The following FOXO3 variants were observed in gnomAD, a reference collection of about 807,000 sequenced individuals.
FOXO3 encodes forkhead box protein O3.
A neutral mutation model predicts 41.9 loss-of-function variants in FOXO3; 4 were observed. That is an observed-to-expected ratio of 0.10 (90% CI 0.05 to 0.22). FOXO3 has a LOEUF of 0.22. FOXO3 is among the 10% of genes least tolerant of loss of function. The pLI is 1.00. For synonymous variants in FOXO3, 318 were observed against 389.3 expected, an observed-to-expected ratio of 0.82 and a Z score of 2.16; for missense variants, 534 against 906.8, an observed-to-expected ratio of 0.59 and a Z score of 5.28.
intron 1 of FOXO3, among the ~76,000 whole-genome samples, chr6:108,599,145 CTGT>C (rs1776975018): frequency 6.6e-6 from 1 of 152,146 alleles, no homozygotes; most frequent in Non-Finnish European, 1.5e-5. Context: ...TCCTTTCACT[CTGT>C]TATTATTCCT....
chr6:108,564,035 C>T (rs1266960255), intron 1 of FOXO3, among the ~76,000 whole-genome samples: 1 of 151,872 alleles, frequency 6.6e-6, no homozygotes, highest in African/African-American at 2.4e-5. Flanking sequence ...TTGAAATTCT[C>T]AAGGCTTAAT....
In FOXO3 at chr6:108,666,114, C is replaced by A. The variant is rs2128388244; in HGVS notation, c.*34+1225C>A. Among the ~76,000 whole-genome samples, 2 of 152,196 alleles carry A rather than the reference C, an allele frequency of 1.3e-5. 1 individual carries two copies. The highest frequency in any genetic ancestry group is 4.1e-4 in the South Asian group (2 of 4,820). On this transcript the variant is annotated intron_variant, in intron 2 of 2. Coordinates refer to ENST00000406360, the MANE Select transcript of FOXO3 (RefSeq NM_001455.4). Reference sequence around the variant, plus strand: ...CTACCACTATGGTTGTGTCTTAGGTCTCTGAGTCTCAACTTCCAGTTTTAT... The same window carrying A: ...CTACCACTATGGTTGTGTCTTAGGTATCTGAGTCTCAACTTCCAGTTTTAT...
At chr6:108,610,278 C>T (rs1777322601) in intron 1 of FOXO3, among the ~76,000 whole-genome samples, 1 of 152,118 alleles carries the variant, frequency 6.6e-6, no homozygotes, top group Non-Finnish European at 1.5e-5. Flanking sequence ...AATAAAAGGA[C>T]TGAGTCTAAG....
intron 1 of FOXO3, among the ~76,000 whole-genome samples, chr6:108,620,920 A>G (rs1393344968): frequency 6.6e-6 from 1 of 152,238 alleles, no homozygotes; most frequent in Non-Finnish European, 1.5e-5. Flanking sequence ...TCCAAAATGA[A>G]GGCACTTCTT....
intron 1 of FOXO3, among the ~76,000 whole-genome samples, chr6:108,601,023 T>C (rs555422388): frequency 2.0e-5 from 3 of 152,312 alleles, no homozygotes; most frequent in Admixed American, 2.0e-4. Flanking sequence ...GTCTTTTTTT[T>C]TTCTGACGGA....
intron 1 of FOXO3, among the ~76,000 whole-genome samples, chr6:108,581,837 G>A (rs1216412988): frequency 6.6e-6 from 1 of 152,124 alleles, no homozygotes. Flanking sequence ...AAACTGCCAT[G>A]CCATCTTTCC....
At chr6:108,627,051 CA>C (rs1777830773) in intron 1 of FOXO3, among the ~76,000 whole-genome samples, 1 of 152,188 alleles carries the variant, frequency 6.6e-6, no homozygotes, top group Non-Finnish European at 1.5e-5. Context: ...CTGTCATGGA[CA>C]CCAGGCAGGC....
Position 108,664,123 on chromosome 6 carries a change from T to C in FOXO3, c.1290T>C (p.Phe430=), listed in dbSNP as rs146169955. Residue 430 remains phenylalanine, a synonymous_variant, in exon 2 of 3, where the codon TTT becomes TTC. Coordinates refer to ENST00000406360, the MANE Select transcript of FOXO3 (RefSeq NM_001455.4). ...GSGLGSPTSS[F]NSTVFGPSSL... is the part of the protein sequence containing the mutation. ...GCCTGGGCTCCCCAACCAGCTCCTT[T>C]AACAGCACGGTGTTCGGACCTTCAT... 23 of 1,614,028 alleles carry C rather than the reference T, an allele frequency of 1.4e-5. No homozygotes were observed. Among genetic ancestry groups the C allele is most frequent in the Non-Finnish European group, 1.7e-5 (20 of 1,180,048 alleles).
chr6:108,670,362 A>G (rs1160949908), intron 2 of FOXO3, among the ~76,000 whole-genome samples: 1 of 151,952 alleles, frequency 6.6e-6, no homozygotes, highest in African/African-American at 2.4e-5. Context: ...AGTTTCAGAA[A>G]CTAAAATGAA....
rs555258716 is a variant in FOXO3 at position 108,591,329 on chromosome 6, A to G, written c.621+29500A>G. On this transcript the variant is annotated intron_variant, in intron 1 of 2. Coordinates refer to ENST00000406360, the MANE Select transcript of FOXO3 (RefSeq NM_001455.4). ...TTTCCCAAGTTGTATTCCCTTGGAA[A>G]CACTAGCAGTCGTGCATCATTTGGG... is the stretch of plus-strand genomic sequence containing the variant. Among the ~76,000 whole-genome samples, 28 of 152,342 alleles carry G rather than the reference A, an allele frequency of 1.8e-4. No homozygotes were observed. The East Asian group carries it at 3.7e-3, about 20-fold the overall frequency.
At chr6:108,566,041 G>T (rs557888152) in intron 1 of FOXO3, among the ~76,000 whole-genome samples, 1 of 152,134 alleles carries the variant, frequency 6.6e-6, no homozygotes, top group Non-Finnish European at 1.5e-5. Flanking sequence ...TTTGGCAATA[G>T]TGTCTTCGTC....
At chr6:108,665,365 T>A (rs1301934733) in intron 2 of FOXO3, among the ~76,000 whole-genome samples, 2 of 152,232 alleles carry the variant, frequency 1.3e-5, no homozygotes, top group African/African-American at 4.8e-5. Flanking sequence ...TCATCTTTTT[T>A]TCCTTGTAAA....
chr6:108,654,650 G>A (rs1366404775), intron 1 of FOXO3, among the ~76,000 whole-genome samples: 3 of 152,086 alleles, frequency 2.0e-5, no homozygotes, highest in East Asian at 3.9e-4. Flanking sequence ...GAGGGTTATC[G>A]TCAGCAGTTT....
intron 1 of FOXO3, among the ~76,000 whole-genome samples, chr6:108,641,360 A>G (rs1778252412): frequency 6.6e-6 from 1 of 152,190 alleles, no homozygotes; most frequent in Non-Finnish European, 1.5e-5. Context: ...GAAAGAAATC[A>G]ATTTAGTAAA....
rs36097684 is a variant in FOXO3 at position 108,607,447 on chromosome 6, C to CAAA, written c.621+45634_621+45636dup. ...CCTGGGTGACAGAGCGAGACTATCT[C>CAAA]AAAAAAAAAAAAAAAAAAGAAGAAG... On this transcript the variant is annotated intron_variant, in intron 1 of 2. Transcript: ENST00000406360. 8.1e-3 allele frequency among the ~76,000 whole-genome samples: 710 copies of CAAA among 87,204 alleles called. 3 individuals carry two copies. The highest frequency in any genetic ancestry group is 0.048 in the Middle Eastern group (7 of 146). The allele number at this position is 87,204 out of a possible 152,430, so 57.2% of individuals were successfully genotyped here.
rs71015551 is a variant in FOXO3, at chr6:108,569,987, G to GTTTTTTTTTTTTTTTTTTTT, written c.621+8169_621+8188dup. 1.1e-4 allele frequency among the ~76,000 whole-genome samples: 8 copies of GTTTTTTTTTTTTTTTTTTTT among 73,264 alleles called. 2 individuals are homozygous for GTTTTTTTTTTTTTTTTTTTT. Among genetic ancestry groups the GTTTTTTTTTTTTTTTTTTTT allele is most frequent in the Admixed American group, 5.0e-4 (3 of 5,956 alleles). The allele number at this position is 73,264 out of a possible 152,430, so 48.1% of individuals were successfully genotyped here. A position where few individuals can be genotyped will look rare whatever the true frequency, so the allele number is the denominator to read the frequency against. ...TCCACATCATGTTTTCCCTTGCGTGGTTTTTTTTTTTTTTTTTTTTTTTTT... is the reference window on the plus strand; with the variant it reads ...TCCACATCATGTTTTCCCTTGCGTGGTTTTTTTTTTTTTTTTTTTTTTTTTTTTTTTTTTTTTTTTTTTTT... On this transcript the variant is annotated intron_variant, in intron 1 of 2. Coordinates refer to ENST00000406360, the MANE Select transcript of FOXO3 (RefSeq NM_001455.4).
intron 2 of FOXO3, among the ~76,000 whole-genome samples, chr6:108,670,657 A>G (rs1779192635): frequency 6.6e-6 from 1 of 152,172 alleles, no homozygotes; most frequent in Non-Finnish European, 1.5e-5. Flanking sequence ...GATATCTTGA[A>G]TCAAATCCTT....
At chr6:108,591,720 G>A (rs559559408) in intron 1 of FOXO3, among the ~76,000 whole-genome samples, 3 of 152,096 alleles carry the variant, frequency 2.0e-5, no homozygotes, top group Admixed American at 6.5e-5. Flanking sequence ...TATTGTATAG[G>A]GAGGTGACAC....
At chr6:108,627,375 G>A (rs1197684387) in intron 1 of FOXO3, among the ~76,000 whole-genome samples, 1 of 152,126 alleles carries the variant, frequency 6.6e-6, no homozygotes, top group Non-Finnish European at 1.5e-5. Flanking sequence ...AATACTGATG[G>A]CTGAATGGGG....
Sources: allele counts gnomAD v4.1 joint callset (sites outside exome capture counted in the v4.1 genomes callset), GRCh38; gene constraint gnomAD v4.1.1; transcripts MANE v1.5; gene names NCBI Gene and HGNC (gene_info 2026-07-23, HGNC 2026-07-21).